Variants in ADAM17 observed in about 807,000 individuals in gnomAD.
ADAM17 encodes ADAM metallopeptidase domain 17.
A neutral mutation model predicts 96.7 loss-of-function variants in ADAM17; 39 were observed. The observed-to-expected ratio is 0.40, with a 90% CI of 0.31 to 0.53. ADAM17 has a LOEUF of 0.53. Ranked by LOEUF, ADAM17 falls within the 20% of genes least tolerant of loss-of-function variation. The pLI is 0.44. For missense variants in ADAM17, 777 were observed against 1,013.2 expected, an observed-to-expected ratio of 0.77 and a Z score of 3.17; for synonymous variants, 344 against 359.2, an observed-to-expected ratio of 0.96 and a Z score of 0.48.
chr2:9,521,526 TATA>T (rs1284276325), intron 7 of ADAM17: 1 of 244,796 alleles, frequency 4.1e-6, no homozygotes, highest in African/African-American at 2.3e-5. Flanking sequence ...ATGAATTATT[TATA>T]ATATTATAAA....
chr2:9,511,708 C>T (rs1164763518), intron 10 of ADAM17, among the ~76,000 whole-genome samples: 1 of 152,098 alleles, frequency 6.6e-6, no homozygotes, highest in Non-Finnish European at 1.5e-5. Context: ...CAGTGGCTCA[C>T]GCCTGGAATT....
intron 5 of ADAM17, among the ~76,000 whole-genome samples, chr2:9,526,728 G>T (rs1292150916): frequency 6.6e-6 from 1 of 151,898 alleles, no homozygotes; most frequent in Non-Finnish European, 1.5e-5. Context: ...CCCAGGGTGC[G>T]GAGGTTGCAG....
At chr2:9,526,784 G>A (rs1044110355) in intron 5 of ADAM17, among the ~76,000 whole-genome samples, 1 of 151,964 alleles carries the variant, frequency 6.6e-6, no homozygotes, top group African/African-American at 2.4e-5. Flanking sequence ...CGACAAAAGT[G>A]AGACTTCATC....
intron 1 of ADAM17, among the ~76,000 whole-genome samples, chr2:9,553,355 G>C (rs905905139): frequency 6.6e-6 from 1 of 151,356 alleles, no homozygotes; most frequent in Non-Finnish European, 1.5e-5. Context: ...TAATACTTGT[G>C]TGTCCTTCAA....
chr2:9,496,152 G>A (rs1662580881), intron 14 of ADAM17, among the ~76,000 whole-genome samples: 2 of 151,856 alleles, frequency 1.3e-5, no homozygotes, highest in Admixed American at 1.3e-4. Flanking sequence ...TATTTGAAAT[G>A]GAGTCTCGCT....
chr2:9,526,129 A>G lies in ADAM17; in HGVS notation c.735T>C (p.Ser245=). ...FYRYMGRGEE[S]TTTNYLIELI... is the part of the protein sequence containing the mutation. ...TACTTACTAAGTAATTTGTAGTTGT[A>G]CTCTCTTCCCCTCTGCCCATGTATC... The change falls in exon 6 of 19, where the codon AGT becomes AGC. Residue 245 remains serine, a synonymous_variant. Coordinates refer to ENST00000310823, the MANE Select transcript of ADAM17 (RefSeq NM_003183.6). 1 of 1,609,156 alleles carries G rather than the reference A, an allele frequency of 6.2e-7. No homozygotes were observed. The highest frequency in any genetic ancestry group is 8.5e-7 in the Non-Finnish European group (1 of 1,178,216).
At chr2:9,514,569 A>ATATATATATATAT (rs1412793326) in intron 10 of ADAM17, among the ~76,000 whole-genome samples, 4 of 120,104 alleles carry the variant, frequency 3.3e-5, no homozygotes, top group East Asian at 2.7e-4. Context: ...ATATATATAT[A>ATATATATATATAT]AATAAAAAGA....
chr2:9,512,863 GACA>G (rs1485359036), intron 10 of ADAM17, among the ~76,000 whole-genome samples: 2 of 152,168 alleles, frequency 1.3e-5, no homozygotes, highest in Non-Finnish European at 2.9e-5. Context: ...CATGGAGGTT[GACA>G]GGAAGGTGCA....
chr2:9,509,873 TC>T, intron 11 of ADAM17, 105 bp downstream of exon 11: 8 of 1,426,874 alleles, frequency 5.6e-6, no homozygotes, highest in Admixed American at 2.0e-5. Flanking sequence ...TGCACATCCA[TC>T]CCTAGGGAAA....
intron 18 of ADAM17, 116 bp from the exon 19 acceptor site, chr2:9,490,634 A>G: frequency 8.8e-7 from 1 of 1,132,660 alleles, no homozygotes. Context: ...TGATGCTAAG[A>G]AAAAAGTGCT....
chr2:9,548,085 A>G lies in ADAM17; in HGVS notation c.98-4800T>C, dbSNP rs569128467. On this transcript the variant is annotated intron_variant, in intron 1 of 18. Coordinates refer to ENST00000310823, the MANE Select transcript of ADAM17 (RefSeq NM_003183.6). ...CTGTCTCAAAATCCAAAAAAAAAAA[A>G]AGAGAGAGAAAGCCAAGGTGGGCGA... Among the ~76,000 whole-genome samples, 2 of 151,606 alleles carry G rather than the reference A, an allele frequency of 1.3e-5. 1 individual carries two copies. The highest frequency in any genetic ancestry group is 4.2e-4 in the South Asian group (2 of 4,792).
intron 18 of ADAM17, 54 bp from the exon 19 acceptor site, chr2:9,490,572 C>A: frequency 1.3e-6 from 2 of 1,498,604 alleles, no homozygotes; most frequent in South Asian, 2.6e-5. Context: ...AATCGGAGGT[C>A]CTCACAGCTC....
chr2:9,546,715 C>CTTTT lies in ADAM17; in HGVS notation c.98-3434_98-3431dup, dbSNP rs59009659. Among the ~76,000 whole-genome samples, 15 of 137,824 alleles carry CTTTT rather than the reference C, an allele frequency of 1.1e-4. 2 individuals carry two copies. Among genetic ancestry groups the CTTTT allele is most frequent in the East Asian group, 2.0e-4 (1 of 4,964 alleles). The allele number at this position is 137,824 out of a possible 152,430, so 90.4% of individuals were successfully genotyped here. A position where few individuals can be genotyped will look rare whatever the true frequency, so the allele number is the denominator to read the frequency against. On this transcript the variant is annotated intron_variant, in intron 1 of 18. Coordinates refer to ENST00000310823, the MANE Select transcript of ADAM17 (RefSeq NM_003183.6). ...TCTCAGCTCAGTGTCTGGCCATATT[C>CTTTT]TTTTTTTTTTTTTGAAATGGAGTCT...
At position 9,524,055 on chromosome 2, in the gene ADAM17, T is replaced by A. The variant is rs370659946; in HGVS notation, c.754-717A>T. The stretch of plus-strand genomic sequence containing the variant: ...CATGCCGGGCTTTTTTTTTTTTTTA[T>A]GATTTTCATCATAACATTTTCCTTT... On this transcript the variant is annotated intron_variant, in intron 6 of 18. Transcript: ENST00000310823. Among the ~76,000 whole-genome samples, 4 of 151,138 alleles carry A rather than the reference T, an allele frequency of 2.6e-5. No homozygotes were observed. The East Asian group carries it at 7.7e-4, about 29-fold the overall frequency.
intron 4 of ADAM17, among the ~76,000 whole-genome samples, chr2:9,529,908 T>G (rs1397683212): frequency 1.3e-5 from 2 of 151,316 alleles, no homozygotes; most frequent in African/African-American, 4.9e-5. Context: ...GAGGCAGAGG[T>G]TGCAGTGATC....
chr2:9,527,698 G>C, intron 5 of ADAM17, 88 bp downstream of exon 5: 1 of 918,156 alleles, frequency 1.1e-6, no homozygotes, highest in Middle Eastern at 2.5e-4. Flanking sequence ...TGACAATCAT[G>C]TTATTTTTTA....
chr2:9,531,333 C>T (rs1232269978), intron 4 of ADAM17, among the ~76,000 whole-genome samples: 4 of 151,694 alleles, frequency 2.6e-5, no homozygotes, highest in Admixed American at 1.3e-4. Context: ...TTTGGGAGGC[C>T]GAGGTGGGCA....
At position 9,545,518 on chromosome 2, in the gene ADAM17, C is replaced by T. The variant is rs899832417; in HGVS notation, c.98-2233G>A. ...CTGGGAGGCGGAGGTTGCAGTGAGC[C>T]GAGATCACACCACTACTCTCCAGCC... On this transcript the variant is annotated intron_variant, in intron 1 of 18. Transcript: ENST00000310823. Among the ~76,000 whole-genome samples, 8 of 148,612 alleles carry T rather than the reference C, an allele frequency of 5.4e-5. 1 individual carries two copies. Among genetic ancestry groups the T allele is most frequent in the Non-Finnish European group, 2.9e-5 (2 of 67,818 alleles).
chr2:9,530,152 C>T (rs1234804811), intron 4 of ADAM17, among the ~76,000 whole-genome samples: 2 of 152,180 alleles, frequency 1.3e-5, no homozygotes, highest in Non-Finnish European at 2.9e-5. Flanking sequence ...TGGCAGAGAT[C>T]TCAAAAGTTA....
Sources: allele counts gnomAD v4.1 joint callset (sites outside exome capture counted in the v4.1 genomes callset), GRCh38; gene constraint gnomAD v4.1.1; transcripts MANE v1.5; gene names NCBI Gene and HGNC (gene_info 2026-07-23, HGNC 2026-07-21).